IL1RAPL2: variants seen among roughly 807,000 people sequenced by gnomAD.
IL1RAPL2 encodes interleukin 1 receptor accessory protein like 2, also known as X-linked interleukin-1 receptor accessory protein-like 2.
A neutral mutation model predicts 44.1 loss-of-function variants in IL1RAPL2; 3 were observed. The ratio of observed to expected loss-of-function variants is 0.07; its 90% CI spans 0.03 to 0.18. The LOEUF is 0.18. IL1RAPL2 is among the 10% of genes least tolerant of loss of function. IL1RAPL2 has a pLI of 1.00. For synonymous variants in IL1RAPL2, 181 were observed against 178.8 expected (o/e 1.01, Z -0.10); for missense variants, 391 against 496.4 (o/e 0.79, Z 2.02).
chrX:105,425,237 T>A (rs192453187), intron 5 of IL1RAPL2, among the ~76,000 whole-genome samples: 5 of 110,953 alleles, frequency 4.5e-5, no homozygotes, highest in African/African-American at 1.6e-4. Context: ...GGTCAACAAC[T>A]CTCTGCACTG....
intron 5 of IL1RAPL2, among the ~76,000 whole-genome samples, chrX:105,481,779 T>C (rs941148032): frequency 8.9e-6 from 1 of 112,189 alleles, no homozygotes; most frequent in African/African-American, 3.2e-5. Context: ...GAAAAATGGC[T>C]GGATTTAATT....
chrX:105,045,063 G>A (rs2031819110), intron 2 of IL1RAPL2, among the ~76,000 whole-genome samples: 1 of 111,119 alleles, frequency 9.0e-6, no homozygotes, highest in South Asian at 3.8e-4. Context: ...TGTAGTTAGA[G>A]GAGGTTTTCA....
rs916322566 is a variant in IL1RAPL2 at position 105,459,254 on chromosome X, A to ATG, written c.698-25045_698-25044dup. Among the ~76,000 whole-genome samples, 5 of 109,522 alleles carry ATG rather than the reference A, an allele frequency of 4.6e-5. No individual in the cohort carries two copies. In the East Asian group the frequency reaches 1.2e-3, roughly 25 times the overall value. On this transcript the variant is annotated intron_variant, in intron 5 of 10. Coordinates refer to ENST00000372582, the MANE Select transcript of IL1RAPL2 (RefSeq NM_017416.2). ...ATAGAATAAATGTGTGTTTGTGTGC[A>ATG]TGTGTGTGTGTGTGTCTCTGTGTGC...
chrX:105,256,070 A>T (rs1009044143), intron 4 of IL1RAPL2, among the ~76,000 whole-genome samples: 16 of 111,400 alleles, frequency 1.4e-4, no homozygotes, highest in African/African-American at 3.3e-5. Flanking sequence ...TTTGTTGAGG[A>T]TTTCTGCATT....
At chrX:105,709,354 T>C (rs1367933907) in intron 6 of IL1RAPL2, among the ~76,000 whole-genome samples, 1 of 111,933 alleles carries the variant, frequency 8.9e-6, no homozygotes, top group Admixed American at 9.5e-5. Flanking sequence ...CCCAGGGACC[T>C]TGACGCTAAA....
intron 5 of IL1RAPL2, among the ~76,000 whole-genome samples, chrX:105,474,519 GC>G (rs1368806111): frequency 8.9e-6 from 1 of 111,820 alleles, no homozygotes; most frequent in African/African-American, 3.2e-5. Flanking sequence ...ACTAGATTAA[GC>G]CTTTTGATCT....
chrX:105,690,263 T>C (rs138376521), intron 6 of IL1RAPL2, among the ~76,000 whole-genome samples: 2,358 of 111,608 alleles, frequency 0.021, 62 homozygotes, highest in African/African-American at 0.072. Flanking sequence ...AAAAATGTTA[T>C]CAACTTAACG....
At position 105,032,818 on chromosome X, in the gene IL1RAPL2, C is replaced by G. The variant is rs371615188; in HGVS notation, c.83-162657C>G. On this transcript the variant is annotated intron_variant, in intron 2 of 10. Transcript: ENST00000372582. The stretch of plus-strand genomic sequence containing the variant: ...GTCTCGTTGATCTGTCTAATGTTGA[C>G]AGTGGGGTGTTAAAGTCTCCCATTA... Among the ~76,000 whole-genome samples, 18 of 111,213 alleles carry G rather than the reference C, an allele frequency of 1.6e-4. No homozygotes were observed. The East Asian group carries it at 4.8e-3, about 30-fold the overall frequency.
intron 2 of IL1RAPL2, among the ~76,000 whole-genome samples, chrX:105,110,124 A>G (rs2032786336): frequency 8.9e-6 from 1 of 112,256 alleles, no homozygotes; most frequent in African/African-American, 3.2e-5. Context: ...GTCTCATTTC[A>G]GGGTTCTTTC....
chrX:104,708,572 G>T (rs868160806), intron 2 of IL1RAPL2, among the ~76,000 whole-genome samples: 3 of 111,103 alleles, frequency 2.7e-5, no homozygotes, highest in African/African-American at 9.8e-5. Context: ...TTTAATTAGA[G>T]CAGGACACAT....
chrX:104,721,631 G>A (rs755297850), intron 2 of IL1RAPL2, among the ~76,000 whole-genome samples: 6 of 110,292 alleles, frequency 5.4e-5, no homozygotes, highest in Non-Finnish European at 9.5e-5. Flanking sequence ...CATGACATAC[G>A]TTTACTGATG....
chrX:105,592,824 G>A (rs1041290061), intron 6 of IL1RAPL2, among the ~76,000 whole-genome samples: 1 of 111,757 alleles, frequency 8.9e-6, no homozygotes, highest in Non-Finnish European at 1.9e-5. Context: ...GGTTCCCTTT[G>A]TAAGTGAATT....
intron 6 of IL1RAPL2, among the ~76,000 whole-genome samples, chrX:105,603,134 G>GA (rs754193728): frequency 1.9e-5 from 2 of 107,474 alleles, no homozygotes; most frequent in African/African-American, 3.4e-5. Context: ...AAAACAACCA[G>GA]AAAAAAGTAG....
At chrX:105,470,099 C>T (rs1448906381) in intron 5 of IL1RAPL2, among the ~76,000 whole-genome samples, 1 of 111,121 alleles carries the variant, frequency 9.0e-6, no homozygotes, top group East Asian at 2.8e-4. Flanking sequence ...TTCACAGGCA[C>T]CCTGAGAATG....
chrX:105,756,202 A>T (rs1040369035), intron 10 of IL1RAPL2, among the ~76,000 whole-genome samples: 1 of 112,374 alleles, frequency 8.9e-6, no homozygotes, highest in Non-Finnish European at 1.9e-5. Context: ...ATAACAAAAT[A>T]AAAAGCTTAT....
chrX:105,128,024 G>A (rs2032991253), intron 2 of IL1RAPL2, among the ~76,000 whole-genome samples: 1 of 110,676 alleles, frequency 9.0e-6, no homozygotes, highest in Non-Finnish European at 1.9e-5. Flanking sequence ...TTGTGATTTG[G>A]TGTGTATGCT....
intron 2 of IL1RAPL2, among the ~76,000 whole-genome samples, chrX:104,921,652 G>T (rs1410078794): frequency 8.9e-6 from 1 of 112,665 alleles, no homozygotes; most frequent in Non-Finnish European, 1.9e-5. Context: ...CAGGGGAGGA[G>T]CCCTCACTGT....
intron 3 of IL1RAPL2, among the ~76,000 whole-genome samples, chrX:105,226,409 TTTTTTTG>T (rs2034015539): frequency 1.1e-5 from 1 of 87,398 alleles, no homozygotes; most frequent in African/African-American, 4.4e-5. Context: ...TTTTTTTTTT[TTTTTTTG>T]AGACAGTGTC....
chrX:105,341,794 G>T (rs889403990), intron 5 of IL1RAPL2, among the ~76,000 whole-genome samples: 3 of 110,507 alleles, frequency 2.7e-5, no homozygotes, highest in Non-Finnish European at 5.7e-5. Context: ...AGCCGAGCAT[G>T]GGGGCGGGAG....
Sources: allele counts gnomAD v4.1 joint callset (sites outside exome capture counted in the v4.1 genomes callset), GRCh38; gene constraint gnomAD v4.1.1; transcripts MANE v1.5; gene names NCBI Gene and HGNC (gene_info 2026-07-23, HGNC 2026-07-21).